The following SUSD5 variants were observed in gnomAD, a reference collection of about 807,000 sequenced individuals.
The protein encoded by SUSD5 is sushi domain containing 5.
SUSD5 carries 33 observed loss-of-function variants against 29.5 expected under a neutral mutation model. That is an observed-to-expected ratio of 1.12 (90% CI 0.85 to 1.49). SUSD5 has a LOEUF of 1.49. SUSD5 is among the 40% of genes most tolerant of loss of function. The probability of loss-of-function intolerance (pLI) is 0.00; values close to 1 mark genes in which losing one functional copy is unlikely to be tolerated. For missense variants in SUSD5, 776 were observed against 800.6 expected, an observed-to-expected ratio of 0.97 and a Z score of 0.37; for synonymous variants, 308 against 325.3, an observed-to-expected ratio of 0.95 and a Z score of 0.57.
chr3:33,184,462 G>A (rs2031739015), intron 3 of SUSD5, among the ~76,000 whole-genome samples: 1 of 152,118 alleles, frequency 6.6e-6, no homozygotes, highest in Non-Finnish European at 1.5e-5. Flanking sequence ...GTGGTTGGTT[G>A]TCCGACATTA....
At chr3:33,174,812 G>T in intron 4 of SUSD5, 74 bp downstream of exon 4, 1 of 1,548,738 alleles carries the variant, frequency 6.5e-7, no homozygotes, top group Non-Finnish European at 8.8e-7. Context: ...CCCACCGCAT[G>T]CAGCCAGCAG....
intron 3 of SUSD5, among the ~76,000 whole-genome samples, chr3:33,189,966 C>T (rs2031859066): frequency 6.6e-6 from 1 of 152,068 alleles, no homozygotes; most frequent in Admixed American, 6.6e-5. Flanking sequence ...AAAAGTTGAC[C>T]CTACTAGTGA....
intron 2 of SUSD5, among the ~76,000 whole-genome samples, chr3:33,210,695 A>G (rs1382868790): frequency 6.6e-6 from 1 of 152,230 alleles, no homozygotes; most frequent in Non-Finnish European, 1.5e-5. Flanking sequence ...AAAGGCCCAC[A>G]GTGAAATGTA....
chr3:33,163,942 G>A (rs537868559), intron 4 of SUSD5, among the ~76,000 whole-genome samples: 8 of 152,330 alleles, frequency 5.3e-5, no homozygotes, highest in African/African-American at 1.9e-4. Flanking sequence ...GGAGCTTGCA[G>A]TGAGCCGAGA....
rs112494723 is a variant in SUSD5 at position 33,175,289 on chromosome 3, G to A, written c.410-215C>T. ...AAAAATACTTGTTGCGTGAATAAAC[G>A]CCACATAAAGTGCTGCAACTTTGCA... On this transcript the variant is annotated intron_variant, in intron 3 of 4. Coordinates refer to ENST00000309558, the MANE Select transcript of SUSD5 (RefSeq NM_015551.2). Among the ~76,000 whole-genome samples the A allele has an allele frequency of 7.4e-3, 1,131 of 152,186 alleles. 15 individuals are homozygous for A. Among genetic ancestry groups the A allele is most frequent in the African/African-American group, 0.025 (1,020 of 41,524 alleles).
chr3:33,163,995 G>A (rs750384705), intron 4 of SUSD5, among the ~76,000 whole-genome samples: 11 of 152,034 alleles, frequency 7.2e-5, no homozygotes, highest in Admixed American at 5.2e-4. Flanking sequence ...GCAAGACTCC[G>A]TCTCAAAAAA....
At chr3:33,183,058 G>A (rs2031705834) in intron 3 of SUSD5, among the ~76,000 whole-genome samples, 1 of 152,076 alleles carries the variant, frequency 6.6e-6, no homozygotes, top group South Asian at 2.1e-4. Flanking sequence ...GCCTCCCAAA[G>A]TGCTGGGATT....
rs760526148 is a variant in SUSD5, at chr3:33,204,121, G to A, written c.409+3687C>T. ...GAAGAGATGGTTTTTAGGGACAAAG[G>A]GGCATCATATCTACAAGTTACTCTC... On this transcript the variant is annotated intron_variant, in intron 3 of 4. Transcript: ENST00000309558. This position sits in a 1 kb window ranked among gnomAD's most constrained non-coding sequence, Gnocchi z 4.5. Among the ~76,000 whole-genome samples, 11 of 151,568 alleles carry A rather than the reference G, an allele frequency of 7.3e-5. No individual in the cohort carries two copies. The highest frequency in any genetic ancestry group is 1.0e-4 in the Non-Finnish European group (7 of 67,910).
chr3:33,156,400 T>C (rs749765397), intron 4 of SUSD5, among the ~76,000 whole-genome samples: 7 of 152,150 alleles, frequency 4.6e-5, no homozygotes, highest in Non-Finnish European at 1.0e-4. Context: ...CATGAGATGA[T>C]GCTGTAAAGT....
At chr3:33,197,764 T>C (rs1374317578) in intron 3 of SUSD5, among the ~76,000 whole-genome samples, 1 of 152,214 alleles carries the variant, frequency 6.6e-6, no homozygotes, top group African/African-American at 2.4e-5. Context: ...TAGCTTAATA[T>C]ATAGAGATTC....
At chr3:33,162,083 C>T (rs4678487) in intron 4 of SUSD5, among the ~76,000 whole-genome samples, 126,580 of 152,162 alleles carry the variant, frequency 0.83, 53,230 homozygotes, top group East Asian at 1. Flanking sequence ...GAAGTATCAA[C>T]AAACTTTAAA....
At chr3:33,217,980 T>C (rs948396111) in intron 1 of SUSD5, among the ~76,000 whole-genome samples, 1 of 152,230 alleles carries the variant, frequency 6.6e-6, no homozygotes, top group Non-Finnish European at 1.5e-5. Flanking sequence ...CTGCTCATTT[T>C]AGGGCAAGTA....
intron 4 of SUSD5, 117 bp downstream of exon 4, chr3:33,174,769 G>T: frequency 8.5e-7 from 1 of 1,181,252 alleles, no homozygotes; most frequent in Non-Finnish European, 1.2e-6. Context: ...AGGTCTGAAA[G>T]CCTCTTTTCA....
intron 3 of SUSD5, among the ~76,000 whole-genome samples, chr3:33,192,835 C>T (rs1203285296): frequency 6.7e-6 from 1 of 148,430 alleles, no homozygotes; most frequent in Admixed American, 6.8e-5. Context: ...TATATATAAT[C>T]TAATAATTCA....
intron 3 of SUSD5, among the ~76,000 whole-genome samples, chr3:33,198,891 AC>A (rs1041509730): frequency 3.9e-5 from 6 of 151,934 alleles, no homozygotes; most frequent in African/African-American, 1.2e-4. Context: ...TATTTCACCC[AC>A]CCCGGGACAC....
chr3:33,163,029 A>G (rs2031225807), intron 4 of SUSD5, among the ~76,000 whole-genome samples: 1 of 152,118 alleles, frequency 6.6e-6, no homozygotes, highest in Non-Finnish European at 1.5e-5. Flanking sequence ...GAAAAATTTT[A>G]TATACCATTA....
intron 3 of SUSD5, among the ~76,000 whole-genome samples, chr3:33,203,518 A>G (rs2032158756): frequency 6.6e-6 from 1 of 152,198 alleles, no homozygotes; most frequent in African/African-American, 2.4e-5. Context: ...AGGGCCCTCG[A>G]GCACTGTAAC....
chr3:33,205,200 C>T lies in SUSD5; in HGVS notation c.409+2608G>A, dbSNP rs1019058234. On this transcript the variant is annotated intron_variant, in intron 3 of 4. Transcript: ENST00000309558. ...AGAAAATTTAAACGTTGATACAATA[C>T]TATTATTTAATTCATAATCTGTATT... 7.2e-5 allele frequency among the ~76,000 whole-genome samples: 11 copies of T among 152,248 alleles called. No homozygotes were observed. In the East Asian group the frequency reaches 1.7e-3, roughly 24 times the overall value.
At chr3:33,214,433 T>C (rs1308180810) in intron 1 of SUSD5, among the ~76,000 whole-genome samples, 1 of 151,830 alleles carries the variant, frequency 6.6e-6, no homozygotes, top group Non-Finnish European at 1.5e-5. Context: ...CTCAGTGTCC[T>C]AGGCTTCCCT....
Sources: allele counts gnomAD v4.1 joint callset (sites outside exome capture counted in the v4.1 genomes callset), GRCh38; gene constraint gnomAD v4.1.1; non-coding constraint Gnocchi (gnomAD v3.1); transcripts MANE v1.5; gene names NCBI Gene and HGNC (gene_info 2026-07-23, HGNC 2026-07-21).